The following NMRK1 variants were observed in gnomAD, a reference collection of about 807,000 sequenced individuals.
NMRK1 encodes nicotinamide riboside kinase 1.
In NMRK1, 28 loss-of-function variants were observed where a neutral mutation model predicts 29.9. That is an observed-to-expected ratio of 0.94 (90% CI 0.69 to 1.28). The LOEUF is 1.28. NMRK1 is among the 50% of genes most tolerant of loss of function. The pLI is 0.00. For missense variants in NMRK1, 218 were observed against 233.1 expected (o/e 0.94, Z 0.42); for synonymous variants, 58 against 73.0 (o/e 0.79, Z 1.05).
chr9:75,087,685 C>G (rs976108722), intron 1 of NMRK1: 2 of 152,026 alleles, frequency 1.3e-5, no homozygotes, highest in African/African-American at 4.8e-5. Context: ...AGGTCATCAC[C>G]CCAACGCTAG....
chr9:75,078,482 T>C, intron 2 of NMRK1: 1 of 1,434,142 alleles, frequency 7.0e-7, no homozygotes, highest in Non-Finnish European at 9.2e-7. Flanking sequence ...GAGTTACTCC[T>C]CTTTAGATCT....
In NMRK1 at chr9:75,061,334, C is replaced by G; in HGVS notation, c.*214G>C. On this transcript the variant is annotated 3_prime_UTR_variant, in exon 9 of 9. Transcript: ENST00000361092. ...GAGCTCTGCTGTATCTATGCGCTCC[C>G]TGGAGAGGGAGCAACTTGCTAAGGT... is the stretch of plus-strand genomic sequence containing the variant. 1 of 515,304 alleles carries G rather than the reference C, an allele frequency of 1.9e-6. No individual in the cohort carries two copies. Among genetic ancestry groups the G allele is most frequent in the Non-Finnish European group, 3.4e-6 (1 of 292,192 alleles). The allele number at this position is 515,304 out of a possible 1,614,324, so 31.9% of individuals were successfully genotyped here.
At chr9:75,064,982 T>G (rs917730432) in intron 8 of NMRK1, among the ~76,000 whole-genome samples, 2 of 152,204 alleles carry the variant, frequency 1.3e-5, no homozygotes, top group African/African-American at 4.8e-5. Context: ...CCTCCTGCCC[T>G]GCTTTCTCTT....
chr9:75,085,140 A>T (rs1215789137), intron 1 of NMRK1, among the ~76,000 whole-genome samples: 1 of 152,218 alleles, frequency 6.6e-6, no homozygotes, highest in Non-Finnish European at 1.5e-5. Flanking sequence ...AATAAAATAA[A>T]AATTCATAAA....
At chr9:75,065,113 C>T (rs547835667) in intron 8 of NMRK1, among the ~76,000 whole-genome samples, 4 of 152,324 alleles carry the variant, frequency 2.6e-5, no homozygotes, top group Admixed American at 1.3e-4. Context: ...CATCCTCCCA[C>T]CTCAATACCC....
At chr9:75,083,200 T>A (rs1408890010) in intron 1 of NMRK1, 50 bp from the exon 2 acceptor site, 1 of 942,696 alleles carries the variant, frequency 1.1e-6, no homozygotes, top group Non-Finnish European at 1.7e-6. Flanking sequence ...CATTTAGATG[T>A]CTAGGGAGAT....
intron 4 of NMRK1, among the ~76,000 whole-genome samples, chr9:75,074,676 C>G (rs980765368): frequency 6.6e-6 from 1 of 152,214 alleles, no homozygotes; most frequent in Non-Finnish European, 1.5e-5. Context: ...GTGTGAGCCA[C>G]CACACCCGGC....
intron 1 of NMRK1, among the ~76,000 whole-genome samples, chr9:75,083,503 C>A (rs530179628): frequency 2.1e-4 from 32 of 152,236 alleles, no homozygotes; most frequent in African/African-American, 7.7e-4. Context: ...GATTCAGTCG[C>A]CTGGGTATGA....
intron 2 of NMRK1, among the ~76,000 whole-genome samples, chr9:75,080,601 G>A (rs982489772): frequency 3.3e-5 from 5 of 152,150 alleles, no homozygotes; most frequent in Non-Finnish European, 7.3e-5. Context: ...GCAGTGAGCC[G>A]AGATTGCACC....
chr9:75,066,786 T>A lies in NMRK1; in HGVS notation c.551A>T (p.Asp184Val), dbSNP rs757247786. Residue 184 changes from aspartate (D) to valine (V), a missense_variant, in exon 8 of 9, where the codon GAT (aspartate) becomes GTT (valine). Asp to Val is a radical substitution (Grantham distance 152). Coordinates refer to ENST00000361092, the MANE Select transcript of NMRK1 (RefSeq NM_017881.3). ...EEDLFLQVYE[D>V]LIQELAKQKC... ...TTGCTTTGCTAGTTCTTGTATTAGA[T>A]CTTCATATACTTGCAAAAAGAGGTC... The A allele has an allele frequency of 1.1e-5, 18 of 1,608,566 alleles. No individual in the cohort carries two copies. In the South Asian group the frequency reaches 1.9e-4, roughly 17 times the overall value.
rs970537152 is a variant in NMRK1, at chr9:75,085,844, G to T, written c.-36+2164C>A. ...GGTAAATGCTGGGCATACCCTATCA[G>T]CTATGAGCAAGTGACAATGTGATGG... On this transcript the variant is annotated intron_variant, in intron 1 of 8. Coordinates refer to ENST00000361092, the MANE Select transcript of NMRK1 (RefSeq NM_017881.3). 2.9e-5 allele frequency among the ~76,000 whole-genome samples: 4 copies of T among 138,828 alleles called. No individual in the cohort carries two copies. In the Admixed American group the frequency reaches 3.3e-4, roughly 11 times the overall value. The allele number at this position is 138,828 out of a possible 152,430, so 91.1% of individuals were successfully genotyped here.
chr9:75,082,984 T>C (rs1824403360), intron 2 of NMRK1, 103 bp downstream of exon 2: 4 of 843,710 alleles, frequency 4.7e-6, no homozygotes, highest in African/African-American at 1.7e-5. Flanking sequence ...TCCCCAGGAC[T>C]CTGGAATCCT....
intron 4 of NMRK1, among the ~76,000 whole-genome samples, chr9:75,075,778 C>A (rs978479208): frequency 2.0e-5 from 3 of 152,080 alleles, no homozygotes; most frequent in Non-Finnish European, 4.4e-5. Context: ...ACTTTGGCCA[C>A]CAAGAAGGAA....
chr9:75,077,597 A>G lies in NMRK1; in HGVS notation c.30-17T>C, dbSNP rs771229452. The G allele has an allele frequency of 2.6e-5, 41 of 1,583,744 alleles. No individual in the cohort carries two copies. In the African/African-American group the frequency reaches 4.5e-4, roughly 17 times the overall value. Reference sequence around the variant, plus strand: ...TTTGTCACACTGAAGCAAAGAAAAAAGAAAGTACCAAGAAGGAAAATGCAT... The same window carrying G: ...TTTGTCACACTGAAGCAAAGAAAAAGGAAAGTACCAAGAAGGAAAATGCAT... On this transcript the variant is annotated splice_polypyrimidine_tract_variant and intron_variant, in intron 2 of 8. Transcript: ENST00000361092.
intron 7 of NMRK1, among the ~76,000 whole-genome samples, chr9:75,068,016 A>T (rs1587364286): frequency 6.6e-6 from 1 of 152,170 alleles, no homozygotes. Context: ...AAATTGCTAC[A>T]TATGTCTCCC....
rs763854956 is a variant in NMRK1, at chr9:75,069,095, C to A, written c.397G>T (p.Val133Phe). The A allele has an allele frequency of 2.5e-6, 4 of 1,608,694 alleles. No homozygotes were observed. Among genetic ancestry groups the A allele is most frequent in the South Asian group, 1.1e-5 (1 of 90,912 alleles). Residue 133 changes from valine to phenylalanine, a missense_variant, in exon 7 of 9, where the codon GTC becomes TTC. Val to Phe is a conservative substitution (Grantham distance 50). Coordinates refer to ENST00000361092, the MANE Select transcript of NMRK1 (RefSeq NM_017881.3). Reference protein sequence around the residue: ...EECKRRRSTRVYQPPDSPGYF... With the variant: ...EECKRRRSTRFYQPPDSPGYF... ...CCCGGAGAGTCTGGAGGCTGATAGA[C>A]CCTTGTACTATCAAAACACGTAGGA...
intron 2 of NMRK1, chr9:75,082,624 G>A (rs1824384012): frequency 6.3e-6 from 1 of 157,584 alleles, no homozygotes. Flanking sequence ...AGGGCCACAA[G>A]GATTAGCTTG....
chr9:75,061,449 T>C lies in NMRK1; in HGVS notation c.*99A>G, dbSNP rs1229675373. The C allele has an allele frequency of 3.4e-6, 3 of 872,790 alleles. No homozygotes were observed. The highest frequency in any genetic ancestry group is 5.6e-6 in the Non-Finnish European group (3 of 537,130). 54.1% of individuals were successfully genotyped at this position (872,790 alleles called of 1,614,324 possible). On this transcript the variant is annotated 3_prime_UTR_variant, in exon 9 of 9. Coordinates refer to ENST00000361092, the MANE Select transcript of NMRK1 (RefSeq NM_017881.3). ...AATCAAACATATGAAACAATGGCTGTCATTGTACCACAGTATACATTGTAT... is the reference window on the plus strand; with the variant it reads ...AATCAAACATATGAAACAATGGCTGCCATTGTACCACAGTATACATTGTAT...
chr9:75,078,591 A>ATT (rs1824145379), intron 2 of NMRK1: 2 of 1,243,400 alleles, frequency 1.6e-6, no homozygotes, highest in Non-Finnish European at 2.0e-6. Flanking sequence ...GTCTGTGAAC[A>ATT]TAAGTCAGGG....
Sources: gnomAD v4.1 joint callset for allele counts (sites outside exome capture counted in the v4.1 genomes callset) on GRCh38, gnomAD v4.1.1 for gene constraint, MANE v1.5 for transcripts, NCBI Gene and HGNC (gene_info 2026-07-23, HGNC 2026-07-21) for gene names.